NAALADL2: variants seen among roughly 807,000 people sequenced by gnomAD.
NAALADL2 encodes the protein inactive N-acetylated-alpha-linked acidic dipeptidase-like protein 2.
A neutral mutation model predicts 87.2 loss-of-function variants in NAALADL2; 76 were observed. That is an observed-to-expected ratio of 0.87 (90% CI 0.72 to 1.05). The LOEUF is 1.05. Among genes scored for constraint, NAALADL2 ranks in the 50% least tolerant of loss-of-function variants. The pLI, the probability that NAALADL2 is intolerant of heterozygous loss-of-function variation, is 0.00. For synonymous variants in NAALADL2, 354 were observed against 331.0 expected (o/e 1.07, Z -0.75); for missense variants, 1,089 against 945.8 (o/e 1.15, Z -1.99).
intron 3 of NAALADL2, among the ~76,000 whole-genome samples, chr3:175,244,947 TAG>T (rs1747690383): frequency 6.6e-6 from 1 of 152,174 alleles, no homozygotes; most frequent in South Asian, 2.1e-4. Context: ...AAGTAAGCAG[TAG>T]GAAAGGGACC....
At chr3:175,585,737 A>G (rs1454963636) in intron 10 of NAALADL2, among the ~76,000 whole-genome samples, 2 of 152,150 alleles carry the variant, frequency 1.3e-5, no homozygotes, top group Non-Finnish European at 2.9e-5. Context: ...TAAATTAAAA[A>G]AAAATAAAGA....
intron 1 of NAALADL2, among the ~76,000 whole-genome samples, chr3:174,950,273 T>C (rs1740138832): frequency 6.6e-6 from 1 of 152,040 alleles, no homozygotes; most frequent in African/African-American, 2.4e-5. Flanking sequence ...AGGGAGTAGA[T>C]TTTGGGAATC....
At chr3:174,600,815 A>G (rs1308331262) in intron 2 of NAALADL2, among the ~76,000 whole-genome samples, 1 of 152,026 alleles carries the variant, frequency 6.6e-6, no homozygotes, top group African/African-American at 2.4e-5. Flanking sequence ...TCTCCTGATA[A>G]CTCTATTATG....
At chr3:175,501,415 T>C (rs1280695687) in intron 9 of NAALADL2, among the ~76,000 whole-genome samples, 1 of 29,964 alleles carries the variant, frequency 3.3e-5, no homozygotes, top group East Asian at 2.2e-3. Flanking sequence ...ATCTTTTCCA[T>C]ACGTTTTAGA....
chr3:175,132,177 GCAGAGGGGC>G (rs1728110709), intron 2 of NAALADL2, among the ~76,000 whole-genome samples: 1 of 101,674 alleles, frequency 9.8e-6, no homozygotes, highest in African/African-American at 4.6e-5. Context: ...AGCTGGCTGG[GCAGAGGGGC>G]TCCTCACTTC....
At chr3:175,233,842 T>C in intron 2 of NAALADL2, 89 bp from the exon 3 acceptor site, 1 of 713,546 alleles carries the variant, frequency 1.4e-6, no homozygotes, top group Non-Finnish European at 2.3e-6. Context: ...ACAACATCTA[T>C]TAATATTGTT....
intron 9 of NAALADL2, among the ~76,000 whole-genome samples, chr3:175,512,051 G>A (rs1285238909): frequency 6.6e-6 from 1 of 152,110 alleles, no homozygotes; most frequent in Non-Finnish European, 1.5e-5. Flanking sequence ...AGACCAGCCT[G>A]AGCAACATAG....
At chr3:175,483,680 G>A (rs934067661) in intron 9 of NAALADL2, among the ~76,000 whole-genome samples, 1 of 152,028 alleles carries the variant, frequency 6.6e-6, no homozygotes, top group African/African-American at 2.4e-5. Flanking sequence ...AAAGCAATGG[G>A]CTACTGGTTA....
intron 9 of NAALADL2, among the ~76,000 whole-genome samples, chr3:175,474,256 T>C (rs1404679272): frequency 6.6e-6 from 1 of 152,198 alleles, no homozygotes; most frequent in African/African-American, 2.4e-5. Flanking sequence ...TTTCATCAAG[T>C]TCATATAATA....
chr3:174,806,303 A>G (rs1286851584), intron 3 of NAALADL2, among the ~76,000 whole-genome samples: 1 of 152,172 alleles, frequency 6.6e-6, no homozygotes, highest in Non-Finnish European at 1.5e-5. Context: ...AGCCAACACC[A>G]CAGGGACATC....
chr3:174,848,105 G>T lies in NAALADL2; in HGVS notation c.-9+110359G>T, dbSNP rs554563097. On this transcript the variant is annotated intron_variant, in intron 3 of 3. Transcript: ENST00000434257. ...AATCAAGTTATTTTGCTCTCGCTGT[G>T]ATATGCTATTTATTAAAAACAATTA... Among the ~76,000 whole-genome samples, 19 of 151,090 alleles carry T rather than the reference G, an allele frequency of 1.3e-4. No homozygotes were observed. The East Asian group carries it at 3.7e-3, about 29-fold the overall frequency.
chr3:174,691,092 C>A (rs1349013929), intron 2 of NAALADL2, among the ~76,000 whole-genome samples: 1 of 152,102 alleles, frequency 6.6e-6, no homozygotes, highest in Admixed American at 6.5e-5. Flanking sequence ...TCTAAATAAA[C>A]AATGCATATA....
At chr3:174,479,916 A>T (rs1004253546) in intron 1 of NAALADL2, among the ~76,000 whole-genome samples, 35 of 152,130 alleles carry the variant, frequency 2.3e-4, no homozygotes, top group African/African-American at 8.4e-4. Flanking sequence ...TTATCTTGGG[A>T]ATCAAAGAAG....
At chr3:175,358,759 T>A (rs1012007124) in intron 5 of NAALADL2, among the ~76,000 whole-genome samples, 7 of 152,156 alleles carry the variant, frequency 4.6e-5, no homozygotes, top group African/African-American at 1.7e-4. Context: ...TATTGCTGAT[T>A]GCCACCATTC....
chr3:174,579,100 G>A (rs950620630), intron 2 of NAALADL2, among the ~76,000 whole-genome samples: 1 of 151,926 alleles, frequency 6.6e-6, no homozygotes, highest in African/African-American at 2.4e-5. Context: ...AACACCAAAT[G>A]TTGGTTGTTG....
intron 1 of NAALADL2, among the ~76,000 whole-genome samples, chr3:174,871,648 C>T (rs532541164): frequency 3.3e-5 from 5 of 152,304 alleles, no homozygotes; most frequent in Admixed American, 1.3e-4. Context: ...GCTGTAATCC[C>T]AACACTTTGG....
intron 3 of NAALADL2, among the ~76,000 whole-genome samples, chr3:174,781,526 G>A (rs868700838): frequency 6.6e-6 from 1 of 151,980 alleles, no homozygotes; most frequent in Non-Finnish European, 1.5e-5. Flanking sequence ...AAGACAATAT[G>A]TTAAATCTGT....
chr3:175,172,605 T>A (rs1051664831), intron 2 of NAALADL2, among the ~76,000 whole-genome samples: 6 of 152,114 alleles, frequency 3.9e-5, no homozygotes, highest in African/African-American at 1.4e-4. Context: ...TTATCCTCAC[T>A]CTTGCAAGAA....
At chr3:174,538,239 C>A (rs778485056) in intron 1 of NAALADL2, among the ~76,000 whole-genome samples, 6 of 152,084 alleles carry the variant, frequency 3.9e-5, no homozygotes, top group Non-Finnish European at 8.8e-5. Context: ...TTCTAAGTCC[C>A]CAGCCAATTG....
Sources: gnomAD v4.1 joint callset for allele counts (sites outside exome capture counted in the v4.1 genomes callset) on GRCh38, gnomAD v4.1.1 for gene constraint, MANE v1.5 for transcripts, NCBI Gene and HGNC (gene_info 2026-07-23, HGNC 2026-07-21) for gene names.